The following GPR137C variants were observed in gnomAD, a reference collection of about 807,000 sequenced individuals.
GPR137C encodes the protein integral membrane protein GPR137C.
GPR137C carries 27 observed loss-of-function variants against 43.4 expected under a neutral mutation model. That is an observed-to-expected ratio of 0.62 (90% CI 0.46 to 0.86). The LOEUF is 0.86. Ranked by LOEUF, GPR137C falls within the 40% of genes least tolerant of loss-of-function variation. GPR137C has a pLI of 0.00. For synonymous variants in GPR137C, 285 were observed against 226.9 expected (o/e 1.26, Z -2.30); for missense variants, 522 against 534.6 (o/e 0.98, Z 0.23).
chr14:52,624,737 A>AG lies in GPR137C; in HGVS notation c.718-7423_718-7422insG, dbSNP rs2039202048. ...ATATGCTGTCTCAAAAAAAAAAAAAACTGAAATAATAAAGATAAAAATAGA... is the reference window on the plus strand; with the variant it reads ...ATATGCTGTCTCAAAAAAAAAAAAAAGCTGAAATAATAAAGATAAAAATAGA... On this transcript the variant is annotated intron_variant, in intron 3 of 6. Transcript: ENST00000321662. Among the ~76,000 whole-genome samples, 15 of 150,896 alleles carry AG rather than the reference A, an allele frequency of 9.9e-5. No individual in the cohort carries two copies. In the South Asian group the frequency reaches 2.9e-3, roughly 29 times the overall value.
intron 1 of GPR137C, among the ~76,000 whole-genome samples, chr14:52,564,277 A>AC (rs1285765175): frequency 9.3e-5 from 14 of 150,672 alleles, no homozygotes; most frequent in Non-Finnish European, 1.9e-4. Context: ...TTCGTCTCAA[A>AC]AAAAAAAAAA....
At chr14:52,565,271 T>C (rs2038350002) in intron 1 of GPR137C, among the ~76,000 whole-genome samples, 1 of 152,212 alleles carries the variant, frequency 6.6e-6, no homozygotes, top group Non-Finnish European at 1.5e-5. Flanking sequence ...AACCATGGGC[T>C]ATTTTCTTCT....
chr14:52,601,521 GAGAGA>G (rs1215487137), intron 3 of GPR137C, among the ~76,000 whole-genome samples: 11 of 151,126 alleles, frequency 7.3e-5, no homozygotes, highest in Admixed American at 6.0e-4. Context: ...GAGAGAGAGA[GAGAGA>G]AGAGAAGAGA....
intron 3 of GPR137C, chr14:52,612,426 A>T (rs2039048208): frequency 2.0e-6 from 2 of 981,574 alleles, no homozygotes; most frequent in South Asian, 9.4e-5. Flanking sequence ...CCATAATGTT[A>T]ATTTTCTTCA....
chr14:52,556,790 T>C (rs2038201525), intron 1 of GPR137C, among the ~76,000 whole-genome samples: 1 of 152,114 alleles, frequency 6.6e-6, no homozygotes, highest in African/African-American at 2.4e-5. Flanking sequence ...ATCTAAATTT[T>C]TTTTTTTAAT....
At chr14:52,610,473 T>C (rs2039026750) in intron 3 of GPR137C, among the ~76,000 whole-genome samples, 1 of 152,214 alleles carries the variant, frequency 6.6e-6, no homozygotes, top group African/African-American at 2.4e-5. Flanking sequence ...CACATTCACA[T>C]ACCTTTTATT....
chr14:52,612,470 A>G (rs2039048583), intron 3 of GPR137C: 2 of 982,178 alleles, frequency 2.0e-6, no homozygotes, highest in Non-Finnish European at 2.4e-6. Context: ...ATTTTTAGTA[A>G]GAGTTAGAGG....
chr14:52,585,495 T>C (rs2049905761), intron 1 of GPR137C, among the ~76,000 whole-genome samples: 2 of 152,234 alleles, frequency 1.3e-5, no homozygotes, highest in African/African-American at 4.8e-5. Flanking sequence ...AAGAGTCTTT[T>C]ACCCTACTTT....
At chr14:52,577,204 AAAAAAAAAAG>A (rs2038570047) in intron 1 of GPR137C, among the ~76,000 whole-genome samples, 1 of 150,412 alleles carries the variant, frequency 6.6e-6, no homozygotes, top group Non-Finnish European at 1.5e-5. Context: ...AAAAAAAAAA[AAAAAAAAAAG>A]ATACCTGGAA....
intron 3 of GPR137C, among the ~76,000 whole-genome samples, chr14:52,623,702 A>G (rs1301487267): frequency 1.8e-5 from 2 of 112,226 alleles, no homozygotes; most frequent in Non-Finnish European, 3.8e-5. Context: ...TTCCTTATTT[A>G]TAGTTTCACT....
chr14:52,589,436 A>G (rs1158285243), intron 1 of GPR137C, among the ~76,000 whole-genome samples: 2 of 152,122 alleles, frequency 1.3e-5, no homozygotes, highest in Admixed American at 1.3e-4. Flanking sequence ...GTATGGGGGG[A>G]ATTTTAAAAA....
intron 1 of GPR137C, among the ~76,000 whole-genome samples, chr14:52,572,585 T>G (rs2139462148): frequency 6.6e-6 from 1 of 152,210 alleles, no homozygotes; most frequent in Non-Finnish European, 1.5e-5. Context: ...CTAGGTATTG[T>G]TGGAATACTT....
At chr14:52,596,410 C>T (rs2038855762) in intron 1 of GPR137C, among the ~76,000 whole-genome samples, 1 of 152,248 alleles carries the variant, frequency 6.6e-6, no homozygotes, top group Non-Finnish European at 1.5e-5. Context: ...TTTTGTTCAG[C>T]TATGCCCTGC....
intron 1 of GPR137C, among the ~76,000 whole-genome samples, chr14:52,565,280 C>A (rs960634447): frequency 2.6e-5 from 4 of 152,180 alleles, no homozygotes; most frequent in Non-Finnish European, 4.4e-5. Flanking sequence ...CTATTTTCTT[C>A]TCCTCCTCTT....
intron 3 of GPR137C, among the ~76,000 whole-genome samples, chr14:52,629,537 C>G (rs1203015833): frequency 6.6e-6 from 1 of 152,068 alleles, no homozygotes; most frequent in Non-Finnish European, 1.5e-5. Context: ...TAGATACATC[C>G]AAAAACAAGG....
At chr14:52,620,119 C>T (rs550007743) in intron 3 of GPR137C, among the ~76,000 whole-genome samples, 9 of 152,064 alleles carry the variant, frequency 5.9e-5, no homozygotes, top group Admixed American at 2.0e-4. Flanking sequence ...CAGCTTCTAG[C>T]CTGAGAGAAG....
At chr14:52,577,183 C>CAAAAAAAAAAAAAAAAA in intron 1 of GPR137C, among the ~76,000 whole-genome samples, 1 of 41,148 alleles carries the variant, frequency 2.4e-5, no homozygotes, top group Non-Finnish European at 4.1e-5. Context: ...TAAGACTCCT[C>CAAAAAAAAAAAAAAAAA]AAAAAAAAAA....
chr14:52,631,640 C>CA (rs2039294910), intron 3 of GPR137C, among the ~76,000 whole-genome samples: 1 of 152,046 alleles, frequency 6.6e-6, no homozygotes, highest in Admixed American at 6.6e-5. Flanking sequence ...TTTGAAAGTA[C>CA]ATATGGGTGC....
intron 3 of GPR137C, among the ~76,000 whole-genome samples, chr14:52,611,091 C>G (rs2039033944): frequency 6.6e-6 from 1 of 151,942 alleles, no homozygotes; most frequent in African/African-American, 2.4e-5. Context: ...AAAAGTATAC[C>G]TTGTTTCCTC....
Sources: allele counts gnomAD v4.1 joint callset (sites outside exome capture counted in the v4.1 genomes callset), GRCh38; gene constraint gnomAD v4.1.1; transcripts MANE v1.5; gene names NCBI Gene and HGNC (gene_info 2026-07-23, HGNC 2026-07-21).